The following TOX variants were observed in gnomAD, a reference collection of about 807,000 sequenced individuals.
TOX encodes the protein thymocyte selection-associated high mobility group box protein TOX.
TOX carries 11 observed loss-of-function variants against 53.7 expected under a neutral mutation model. The observed-to-expected ratio is 0.20, with a 90% confidence interval of 0.13 to 0.34. The LOEUF is 0.34. Ranked by LOEUF, TOX falls within the 10% of genes least tolerant of loss-of-function variation. The probability of loss-of-function intolerance (pLI) is 1.00; values close to 1 mark genes in which losing one functional copy is unlikely to be tolerated. For missense variants in TOX, 570 were observed against 664.6 expected (o/e 0.86, Z 1.56); for synonymous variants, 225 against 245.3 (o/e 0.92, Z 0.77).
At chr8:58,922,653 G>A (rs73252662) in intron 3 of TOX, among the ~76,000 whole-genome samples, 6,143 of 152,270 alleles carry the variant, frequency 0.04, 372 homozygotes, top group African/African-American at 0.14. Context: ...GCAGGATTAG[G>A]CAGCCAAGAC....
intron 1 of TOX, among the ~76,000 whole-genome samples, chr8:59,021,692 TCC>T (rs1814139091): frequency 2.6e-5 from 4 of 151,842 alleles, no homozygotes; most frequent in Admixed American, 2.6e-4. Context: ...ACAAGGTGAC[TCC>T]TGTTGTAGGC....
intron 1 of TOX, among the ~76,000 whole-genome samples, chr8:59,099,451 T>C (rs925493226): frequency 2.0e-5 from 3 of 152,216 alleles, no homozygotes; most frequent in Non-Finnish European, 4.4e-5. Context: ...AATGGCTTAA[T>C]ACCAAATAAA....
At chr8:59,032,765 T>C (rs34619285) in intron 1 of TOX, among the ~76,000 whole-genome samples, 37,576 of 152,034 alleles carry the variant, frequency 0.25, 5,414 homozygotes, top group African/African-American at 0.4. Context: ...TTTGGGAGGC[T>C]GAGGCAGGTA....
rs188068449 is a variant in TOX at position 58,963,783 on chromosome 8, T to A, written c.103-3775A>T. Among the ~76,000 whole-genome samples, 238 of 152,332 alleles carry A rather than the reference T, an allele frequency of 1.6e-3. 1 individual carries two copies. The highest frequency in any genetic ancestry group is 2.8e-3 in the Non-Finnish European group (190 of 68,014). ...AGGGCAGGTTTTGTTGGGGGATTGA[T>A]TCCACTAGACTGGGAGCCACCAGAG... is the stretch of plus-strand genomic sequence containing the variant. On this transcript the variant is annotated intron_variant, in intron 1 of 8. Coordinates refer to ENST00000361421, the MANE Select transcript of TOX (RefSeq NM_014729.3).
intron 1 of TOX, among the ~76,000 whole-genome samples, chr8:59,087,144 T>G (rs1220220561): frequency 6.6e-6 from 1 of 152,194 alleles, no homozygotes; most frequent in South Asian, 2.1e-4. Context: ...TTTTAAAGAT[T>G]TCTATATCTA....
At chr8:59,049,925 G>T (rs1186885625) in intron 1 of TOX, among the ~76,000 whole-genome samples, 1 of 152,066 alleles carries the variant, frequency 6.6e-6, no homozygotes, top group African/African-American at 2.4e-5. Context: ...TACTAAGCAG[G>T]CTTTGAAAAT....
At chr8:58,973,396 C>T (rs764409491) in intron 1 of TOX, among the ~76,000 whole-genome samples, 8 of 152,324 alleles carry the variant, frequency 5.3e-5, no homozygotes, top group Non-Finnish European at 1.0e-4. Context: ...TTTTAAAAAA[C>T]AGTGCCTTTT....
chr8:58,825,562 G>A (rs1278200465), intron 6 of TOX, among the ~76,000 whole-genome samples: 1 of 152,158 alleles, frequency 6.6e-6, no homozygotes, highest in Non-Finnish European at 1.5e-5. Context: ...GAGACTTCAT[G>A]TATTGATTTG....
At chr8:58,933,865 C>T (rs1812301013) in intron 3 of TOX, among the ~76,000 whole-genome samples, 1 of 152,138 alleles carries the variant, frequency 6.6e-6, no homozygotes, top group Non-Finnish European at 1.5e-5. Flanking sequence ...CCCCTGACAC[C>T]ACTCCCAACA....
chr8:58,925,207 G>A (rs1235014074), intron 3 of TOX, among the ~76,000 whole-genome samples: 2 of 152,174 alleles, frequency 1.3e-5, no homozygotes, highest in African/African-American at 4.8e-5. Context: ...AATTTAAAAA[G>A]GCCAAAATGT....
rs1264156837 is a variant in TOX, at chr8:58,963,292, A to AAGAT, written c.103-3288_103-3285dup. Among the ~76,000 whole-genome samples, 19 of 123,618 alleles carry AAGAT rather than the reference A, an allele frequency of 1.5e-4. 1 individual carries two copies. The highest frequency in any genetic ancestry group is 2.6e-4 in the African/African-American group (9 of 35,060). 81.1% of individuals were successfully genotyped at this position (123,618 alleles called of 152,430 possible). On this transcript the variant is annotated intron_variant, in intron 1 of 8. Coordinates refer to ENST00000361421, the MANE Select transcript of TOX (RefSeq NM_014729.3). Reference sequence around the variant, plus strand: ...ATACTGAATCTCTTTTGATAGATAGAAGATAGATAGATAGATATATATATA... The same window carrying AAGAT: ...ATACTGAATCTCTTTTGATAGATAGAAGATAGATAGATAGATAGATATATATATA...
chr8:59,024,252 C>T (rs1025965984), intron 1 of TOX, among the ~76,000 whole-genome samples: 1 of 152,024 alleles, frequency 6.6e-6, no homozygotes, highest in Non-Finnish European at 1.5e-5. Context: ...TAGCTATTTT[C>T]GCTTATAGTT....
At chr8:58,891,613 CAG>C (rs1215868241) in intron 3 of TOX, among the ~76,000 whole-genome samples, 2 of 152,182 alleles carry the variant, frequency 1.3e-5, no homozygotes, top group East Asian at 3.9e-4. Context: ...CAGGTGAAAA[CAG>C]AGACCCTTCA....
At chr8:59,004,496 G>A (rs1160713951) in intron 1 of TOX, among the ~76,000 whole-genome samples, 8 of 152,158 alleles carry the variant, frequency 5.3e-5, no homozygotes, top group Non-Finnish European at 4.4e-5. Flanking sequence ...TTTACATTTA[G>A]TAAAGTACAC....
At chr8:59,109,669 C>T (rs1360455246) in intron 1 of TOX, among the ~76,000 whole-genome samples, 1 of 152,114 alleles carries the variant, frequency 6.6e-6, no homozygotes. Flanking sequence ...GGCAAATTAT[C>T]TCTTATTGAA....
At chr8:58,841,052 A>T (rs1213742699) in intron 4 of TOX, among the ~76,000 whole-genome samples, 1 of 152,222 alleles carries the variant, frequency 6.6e-6, no homozygotes, top group Non-Finnish European at 1.5e-5. Flanking sequence ...TTGTGAGTGT[A>T]CTTAGGTAAT....
At chr8:58,975,800 G>A (rs770821134) in intron 1 of TOX, among the ~76,000 whole-genome samples, 2 of 152,060 alleles carry the variant, frequency 1.3e-5, no homozygotes, top group Non-Finnish European at 2.9e-5. Context: ...TAGGCCAGGC[G>A]CAGTGGCTCA....
intron 1 of TOX, among the ~76,000 whole-genome samples, chr8:59,016,788 T>G (rs1427139161): frequency 6.6e-6 from 1 of 152,244 alleles, no homozygotes; most frequent in African/African-American, 2.4e-5. Flanking sequence ...ATAAGCTTAA[T>G]AGATATGAAT....
intron 1 of TOX, among the ~76,000 whole-genome samples, chr8:59,042,156 G>T (rs981960121): frequency 2.6e-4 from 39 of 152,104 alleles, no homozygotes; most frequent in African/African-American, 8.5e-4. Context: ...AAAGGGTTAC[G>T]AGCCAAAAAA....
Sources: gnomAD v4.1 joint callset for allele counts (sites outside exome capture counted in the v4.1 genomes callset) on GRCh38, gnomAD v4.1.1 for gene constraint, MANE v1.5 for transcripts, NCBI Gene and HGNC (gene_info 2026-07-23, HGNC 2026-07-21) for gene names.